LIMD1: variants seen among roughly 807,000 people sequenced by gnomAD.
The protein encoded by LIMD1 is LIM domain-containing protein 1.
In LIMD1, 23 loss-of-function variants were observed where a neutral mutation model predicts 58.4. The ratio of observed to expected loss-of-function variants is 0.39; its 90% CI spans 0.28 to 0.56. The LOEUF is 0.56. Among genes scored for constraint, LIMD1 ranks in the 20% least tolerant of loss-of-function variants. The probability of loss-of-function intolerance (pLI) is 0.57; values close to 1 mark genes in which losing one functional copy is unlikely to be tolerated. For synonymous variants in LIMD1, 334 were observed against 345.5 expected, an observed-to-expected ratio of 0.97 and a Z score of 0.37; for missense variants, 838 against 855.5, an observed-to-expected ratio of 0.98 and a Z score of 0.25.
chr3:45,648,286 T>A (rs1402796480), intron 2 of LIMD1, among the ~76,000 whole-genome samples: 2 of 152,196 alleles, frequency 1.3e-5, no homozygotes, highest in African/African-American at 2.4e-5. Flanking sequence ...CCACTGATCT[T>A]CCTATCCCTA....
chr3:45,672,937 G>C (rs1269422379), intron 5 of LIMD1, 117 bp downstream of exon 5: 22 of 1,254,230 alleles, frequency 1.8e-5, no homozygotes, highest in Non-Finnish European at 2.5e-5. Flanking sequence ...TCACAGTCCA[G>C]CAAAGGCTTA....
rs773610348 is a variant in LIMD1, at chr3:45,595,491, A to G, written c.612A>G (p.Val204=). 6.2e-7 allele frequency: 1 copy of G among 1,613,998 alleles called. No homozygotes were observed. Among genetic ancestry groups the G allele is most frequent in the East Asian group, 2.2e-5 (1 of 44,878 alleles). ...PGVSPSIGLS[V]GSGWPSSPGS... The stretch of plus-strand genomic sequence containing the variant: ...TGTCCCCCAGCATCGGCCTGAGTGT[A>G]GGGAGTGGGTGGCCTAGCTCCCCGG... Residue 204 remains valine, a synonymous_variant, in exon 1 of 8, where the codon GTA becomes GTG. Transcript: ENST00000273317.
At chr3:45,616,457 G>C (rs13058760) in intron 1 of LIMD1, among the ~76,000 whole-genome samples, 1 of 152,258 alleles carries the variant, frequency 6.6e-6, no homozygotes, top group Admixed American at 6.5e-5. Flanking sequence ...TCCCTCCTGG[G>C]CTTGGAAAGA....
intron 2 of LIMD1, among the ~76,000 whole-genome samples, chr3:45,661,116 G>T (rs1697431459): frequency 6.6e-6 from 1 of 152,140 alleles, no homozygotes; most frequent in African/African-American, 2.4e-5. Context: ...GGCCTTCTAT[G>T]TAAGTCCTAT....
intron 1 of LIMD1, among the ~76,000 whole-genome samples, chr3:45,624,230 A>C (rs1701650024): frequency 1.3e-5 from 2 of 152,138 alleles, no homozygotes; most frequent in Non-Finnish European, 1.5e-5. Context: ...CCCTTTCAGC[A>C]TACAGTAGGT....
intron 1 of LIMD1, among the ~76,000 whole-genome samples, chr3:45,628,022 A>AAAGAG (rs1559518139): frequency 5.9e-5 from 9 of 151,380 alleles, no homozygotes; most frequent in African/African-American, 1.2e-4. Context: ...AAAAAAAAGA[A>AAAGAG]AAAAGAATAT....
chr3:45,670,046 C>T (rs1317918984), intron 4 of LIMD1, among the ~76,000 whole-genome samples: 3 of 152,192 alleles, frequency 2.0e-5, no homozygotes, highest in African/African-American at 7.2e-5. Context: ...GCCATGTCCT[C>T]ATTAGTAGCC....
At chr3:45,630,941 C>A (rs995590041) in intron 1 of LIMD1, among the ~76,000 whole-genome samples, 4 of 152,176 alleles carry the variant, frequency 2.6e-5, no homozygotes, top group Non-Finnish European at 5.9e-5. Flanking sequence ...CGGTGGCTCA[C>A]GCCTGTAATC....
chr3:45,671,836 A>AT (rs1559526595), intron 4 of LIMD1, among the ~76,000 whole-genome samples: 1 of 152,172 alleles, frequency 6.6e-6, no homozygotes. Context: ...TAGGAATGAT[A>AT]TTTTATCTCA....
rs1296206535 is a variant in LIMD1, at chr3:45,676,931, C to G, written c.1903C>G (p.Leu635Val). 2 of 1,614,120 alleles carry G rather than the reference C, an allele frequency of 1.2e-6. No individual in the cohort carries two copies. The highest frequency in any genetic ancestry group is 1.7e-5 in the Admixed American group (1 of 60,030). Residue 635 changes from leucine (L) to valine (V), a missense_variant, in exon 8 of 8, where the codon CTG becomes GTG. Leu to Val is a conservative substitution (Grantham distance 32, BLOSUM62 1). This residue lies in a region of LIMD1 where 174 missense variants were observed against 197.4 expected (regional missense o/e 0.88). Transcript: ENST00000273317. The stretch of plus-strand genomic sequence containing the variant: ...GTCTGCCTCCCCACAGGACTGTGGT[C>G]TGGAGCTCAATGATGAAGATGGCCA... ...VECYHCEDCG[L>V]ELNDEDGHRC...
At chr3:45,673,722 T>C in intron 6 of LIMD1, 1 of 586,738 alleles carries the variant, frequency 1.7e-6, no homozygotes. Context: ...AAGAACAGCC[T>C]GGGCAACATA....
chr3:45,660,259 TTGAGGAA>T (rs1697411965), intron 2 of LIMD1, among the ~76,000 whole-genome samples: 1 of 151,540 alleles, frequency 6.6e-6, no homozygotes, highest in East Asian at 1.9e-4. Context: ...CTTTCCTCTC[TTGAGGAA>T]TGAGTTTACC....
rs138975688 is a variant in LIMD1 at position 45,596,091 on chromosome 3, T to A, written c.1212T>A (p.Gly404=). 748 of 1,614,054 alleles carry A rather than the reference T, an allele frequency of 4.6e-4. 8 individuals are homozygous for A. In the African/African-American group the frequency reaches 9.1e-3, roughly 20 times the overall value. The change falls in exon 1 of 8, where the codon GGT becomes GGA. Residue 404 remains glycine, a synonymous_variant. Transcript: ENST00000273317. ...STLPELSCKE[G]PLGWSSDGSL... Reference sequence around the variant, plus strand: ...TGCCTGAGTTATCTTGTAAAGAGGGTCCCCTGGGCTGGTCTTCTGATGGTA... The same window carrying A: ...TGCCTGAGTTATCTTGTAAAGAGGGACCCCTGGGCTGGTCTTCTGATGGTA...
intron 1 of LIMD1, among the ~76,000 whole-genome samples, chr3:45,615,428 C>T (rs967098961): frequency 1.3e-5 from 2 of 152,100 alleles, no homozygotes; most frequent in Non-Finnish European, 2.9e-5. Context: ...CTGGTGAAAT[C>T]TGGGTTTTAG....
chr3:45,619,566 A>G (rs1701610607), intron 1 of LIMD1, among the ~76,000 whole-genome samples: 1 of 152,224 alleles, frequency 6.6e-6, no homozygotes, highest in African/African-American at 2.4e-5. Flanking sequence ...TGGGAGGCCA[A>G]GATGGGCAGA....
chr3:45,636,605 C>T (rs1701791607), intron 2 of LIMD1, among the ~76,000 whole-genome samples: 1 of 152,166 alleles, frequency 6.6e-6, no homozygotes, highest in Admixed American at 6.5e-5. Context: ...AGTTCTCTCC[C>T]CCACTGTGGG....
intron 2 of LIMD1, among the ~76,000 whole-genome samples, chr3:45,651,638 AT>A (rs1205191026): frequency 1.5e-4 from 23 of 148,758 alleles, no homozygotes; most frequent in Admixed American, 2.0e-4. Context: ...TCAGATGGTT[AT>A]TTTTTTTTTT....
At chr3:45,617,441 G>T (rs1311750989) in intron 1 of LIMD1, among the ~76,000 whole-genome samples, 2 of 152,192 alleles carry the variant, frequency 1.3e-5, no homozygotes, top group Non-Finnish European at 2.9e-5. Context: ...CAGAACCGAT[G>T]TTAAACTCTC....
chr3:45,636,042 G>A, intron 1 of LIMD1, 108 bp from the exon 2 acceptor site: 1 of 1,565,098 alleles, frequency 6.4e-7, no homozygotes, highest in South Asian at 1.2e-5. Flanking sequence ...ATTTGGTGGT[G>A]GGCTGGCCAT....
Sources: allele counts gnomAD v4.1 joint callset (sites outside exome capture counted in the v4.1 genomes callset), GRCh38; gene constraint gnomAD v4.1.1; regional missense constraint gnomAD v4.1.1; transcripts MANE v1.5; gene names NCBI Gene and HGNC (gene_info 2026-07-23, HGNC 2026-07-21).